The following SPTSSB variants were observed in gnomAD, a reference collection of about 807,000 sequenced individuals.
SPTSSB encodes androgen down regulated in mouse prostate.
SPTSSB carries 6 observed loss-of-function variants against 7.7 expected under a neutral mutation model. The ratio of observed to expected loss-of-function variants is 0.78; its 90% CI spans 0.43 to 1.54. SPTSSB has a LOEUF of 1.54. Ranked by LOEUF, SPTSSB falls within the 40% of genes most tolerant of loss-of-function variation. SPTSSB has a pLI of 0.01. For synonymous variants in SPTSSB, 28 were observed against 29.7 expected, an observed-to-expected ratio of 0.94 and a Z score of 0.19; for missense variants, 91 against 93.0, an observed-to-expected ratio of 0.98 and a Z score of 0.09.
At chr3:161,362,981 G>A (rs1464271547) in intron 1 of SPTSSB, among the ~76,000 whole-genome samples, 1 of 151,738 alleles carries the variant, frequency 6.6e-6, no homozygotes, top group African/African-American at 2.4e-5. Flanking sequence ...CCACTAATAT[G>A]TATGTATATC....
chr3:161,346,752 A>T (rs6441374), intron 2 of SPTSSB, among the ~76,000 whole-genome samples: 47,520 of 152,026 alleles, frequency 0.31, 8,106 homozygotes, highest in East Asian at 0.56. Context: ...ATAAGGTCCA[A>T]GGGATCATTA....
chr3:161,369,318 T>TTCTTTCTTTCTTTCTTTCTTTC (rs1715381146), intron 1 of SPTSSB, among the ~76,000 whole-genome samples: 2 of 77,720 alleles, frequency 2.6e-5, no homozygotes, highest in African/African-American at 1.0e-4. Context: ...TTCTTTCTCT[T>TTCTTTCTTTCTTTCTTTCTTTC]TCTTTCTTTC....
At chr3:161,348,530 A>G (rs1392887168) in intron 2 of SPTSSB, among the ~76,000 whole-genome samples, 1 of 152,210 alleles carries the variant, frequency 6.6e-6, no homozygotes, top group Admixed American at 6.5e-5. Flanking sequence ...CAATCAATCA[A>G]TGAATAAAAG....
intron 1 of SPTSSB, among the ~76,000 whole-genome samples, chr3:161,371,187 TTC>T (rs1205103500): frequency 6.6e-6 from 1 of 152,200 alleles, no homozygotes; most frequent in Non-Finnish European, 1.5e-5. Context: ...TAAAGAAATT[TTC>T]TCTTCTTTTA....
At chr3:161,367,164 TG>T (rs1388620817) in intron 1 of SPTSSB, among the ~76,000 whole-genome samples, 1 of 151,860 alleles carries the variant, frequency 6.6e-6, no homozygotes, top group East Asian at 1.9e-4. Flanking sequence ...GCAAAAAGAG[TG>T]AAACTCTGTC....
chr3:161,361,114 A>T lies in SPTSSB; in HGVS notation c.-125-1220T>A, dbSNP rs541577022. Among the ~76,000 whole-genome samples the T allele has an allele frequency of 3.3e-5, 5 of 152,240 alleles. No homozygotes were observed. The East Asian group carries it at 9.7e-4, about 29-fold the overall frequency. ...TTCCTCTGGGAAATGCTGAGAGAAG[A>T]TTTGGGGGGAGGAATGTGTCATGGA... is the stretch of plus-strand genomic sequence containing the variant. On this transcript the variant is annotated intron_variant, in intron 1 of 2. Coordinates refer to ENST00000620149, the MANE Select transcript of SPTSSB (RefSeq NM_001040100.2).
chr3:161,365,600 A>G (rs1007544463), intron 1 of SPTSSB, among the ~76,000 whole-genome samples: 7 of 152,264 alleles, frequency 4.6e-5, no homozygotes, highest in African/African-American at 1.4e-4. Context: ...TGCCTACCAC[A>G]TAGTAGCTGC....
At chr3:161,353,616 T>C (rs1013707083) in intron 2 of SPTSSB, among the ~76,000 whole-genome samples, 1 of 152,112 alleles carries the variant, frequency 6.6e-6, no homozygotes, top group African/African-American at 2.4e-5. Flanking sequence ...ACAAGCTGCA[T>C]CTTCATGTGA....
At chr3:161,363,984 C>T (rs1715117475) in intron 1 of SPTSSB, among the ~76,000 whole-genome samples, 1 of 151,968 alleles carries the variant, frequency 6.6e-6, no homozygotes, top group African/African-American at 2.4e-5. Flanking sequence ...TCCATAAAAT[C>T]TCTAATTCAG....
In SPTSSB at chr3:161,346,324, G is replaced by T. The variant is rs1714232244; in HGVS notation, c.-1C>A. The T allele has an allele frequency of 6.2e-7, 1 of 1,602,444 alleles. No homozygotes were observed. The highest frequency in any genetic ancestry group is 8.5e-7 in the Non-Finnish European group (1 of 1,169,596). Reference sequence around the variant, plus strand: ...ATTCCTTCACACGCCTCAAATCCATGGTTGGCTCCTTCAAGCTGCAGTAAG... The same window carrying T: ...ATTCCTTCACACGCCTCAAATCCATTGTTGGCTCCTTCAAGCTGCAGTAAG... On this transcript the variant is annotated 5_prime_UTR_variant, in exon 3 of 3. Coordinates refer to ENST00000620149, the MANE Select transcript of SPTSSB (RefSeq NM_001040100.2).
intron 1 of SPTSSB, among the ~76,000 whole-genome samples, chr3:161,369,290 CT>C (rs1560108914): frequency 2.2e-4 from 17 of 76,660 alleles, no homozygotes; most frequent in African/African-American, 9.3e-4. Context: ...TCTTTCTTTT[CT>C]TTCTTTCTTT....
In SPTSSB at chr3:161,345,874, A is replaced by G; in HGVS notation, c.*219T>C. ...AGAATATGATTTGTGAGGTAAAGTC[A>G]CTGTATTATCTCCGGTCTAAAGCAC... On this transcript the variant is annotated 3_prime_UTR_variant, in exon 3 of 3. Coordinates refer to ENST00000620149, the MANE Select transcript of SPTSSB (RefSeq NM_001040100.2). The G allele has an allele frequency of 2.5e-6, 1 of 403,540 alleles. No individual in the cohort carries two copies. Among genetic ancestry groups the G allele is most frequent in the South Asian group, 3.5e-5 (1 of 28,408 alleles). 25.0% of individuals were successfully genotyped at this position (403,540 alleles called of 1,614,324 possible).
chr3:161,351,136 G>A (rs891341456), intron 2 of SPTSSB, among the ~76,000 whole-genome samples: 3 of 152,140 alleles, frequency 2.0e-5, no homozygotes, highest in Admixed American at 2.0e-4. Context: ...TGGAATCCTG[G>A]AACAGAAAAG....
chr3:161,369,321 TTTCTTTCTTTC>T (rs1213014625), intron 1 of SPTSSB, among the ~76,000 whole-genome samples: 2 of 96,676 alleles, frequency 2.1e-5, no homozygotes, highest in African/African-American at 4.3e-5. Flanking sequence ...TTTCTCTTTC[TTTCTTTCTTTC>T]TTTCTTTCTT....
At chr3:161,369,246 CTT>C (rs750382788) in intron 1 of SPTSSB, among the ~76,000 whole-genome samples, 3 of 150,706 alleles carry the variant, frequency 2.0e-5, no homozygotes, top group South Asian at 2.1e-4. Context: ...GCTATTATCT[CTT>C]TCTTTCTTTC....
chr3:161,359,640 T>A (rs890681969), intron 2 of SPTSSB, 162 bp downstream of exon 2: 1 of 777,778 alleles, frequency 1.3e-6, no homozygotes, highest in African/African-American at 1.9e-5. Flanking sequence ...TGCCCCATTT[T>A]ATTCCTTTGT....
chr3:161,358,044 G>GTT (rs11353900), intron 2 of SPTSSB, among the ~76,000 whole-genome samples: 51 of 114,518 alleles, frequency 4.5e-4, no homozygotes, highest in African/African-American at 1.2e-3. Flanking sequence ...AGAAACTTTT[G>GTT]TTTTTTTTTT....
At chr3:161,354,485 G>A (rs1714682243) in intron 2 of SPTSSB, among the ~76,000 whole-genome samples, 2 of 152,160 alleles carry the variant, frequency 1.3e-5, no homozygotes, top group African/African-American at 4.8e-5. Flanking sequence ...GGGACTATTG[G>A]CACATGCCAC....
chr3:161,359,877 G>T lies in SPTSSB; in HGVS notation c.-108C>A. 1.2e-6 allele frequency: 1 copy of T among 819,518 alleles called. No homozygotes were observed. The highest frequency in any genetic ancestry group is 1.5e-6 in the Non-Finnish European group (1 of 678,762). The allele number at this position is 819,518 out of a possible 1,614,324, so 50.8% of individuals were successfully genotyped here. ...CCTGTGTGGGTTAGTTCTCCTCTCT[G>T]GGTTGCTGTTTCCTCATCTGCAAAA... On this transcript the variant is annotated 5_prime_UTR_variant, in exon 2 of 3. Transcript: ENST00000620149.
Sources: allele counts gnomAD v4.1 joint callset (sites outside exome capture counted in the v4.1 genomes callset), GRCh38; gene constraint gnomAD v4.1.1; transcripts MANE v1.5; gene names NCBI Gene and HGNC (gene_info 2026-07-23, HGNC 2026-07-21).